Variants in TIPRL observed in about 807,000 individuals in gnomAD.
TIPRL encodes the protein TOR signaling pathway regulator.
A neutral mutation model predicts 32.3 loss-of-function variants in TIPRL; 10 were observed. The ratio of observed to expected loss-of-function variants is 0.31; its 90% CI spans 0.19 to 0.52. The LOEUF (loss-of-function observed/expected upper bound fraction) is 0.52, where lower values mean the gene tolerates loss of function less well. Ranked by LOEUF, TIPRL falls within the 20% of genes least tolerant of loss-of-function variation. TIPRL has a pLI of 0.96. For synonymous variants in TIPRL, 100 were observed against 114.0 expected (o/e 0.88, Z 0.78); for missense variants, 250 against 328.1 (o/e 0.76, Z 1.84).
intron 4 of TIPRL, chr1:168,192,335 C>G: frequency 1.0e-6 from 1 of 988,388 alleles, no homozygotes; most frequent in Non-Finnish European, 1.3e-6. Context: ...GCCTGGGCGA[C>G]AGAGCAAGAC....
chr1:168,182,549 C>T (rs1699981057), intron 1 of TIPRL, among the ~76,000 whole-genome samples: 1 of 148,762 alleles, frequency 6.7e-6, no homozygotes, highest in Non-Finnish European at 1.5e-5. Flanking sequence ...TTGCTTGAAT[C>T]TGGGAGGCGG....
intron 4 of TIPRL, chr1:168,192,164 G>C: frequency 1.4e-6 from 2 of 1,461,574 alleles, no homozygotes; most frequent in Non-Finnish European, 1.8e-6. Context: ...TGATCCATGT[G>C]TTATGATTTC....
intron 5 of TIPRL, among the ~76,000 whole-genome samples, chr1:168,198,446 G>A (rs1245643485): frequency 6.6e-6 from 1 of 152,072 alleles, no homozygotes. Context: ...TTTTAAGTAA[G>A]CTATTTGGTA....
chr1:168,186,755 A>G (rs1432780492), intron 3 of TIPRL, among the ~76,000 whole-genome samples: 1 of 151,882 alleles, frequency 6.6e-6, no homozygotes, highest in Admixed American at 6.6e-5. Context: ...AATTGCTTGA[A>G]CCCAGGAGGC....
At position 168,180,805 on chromosome 1, in the gene TIPRL, C is replaced by CTT. The variant is rs59607373; in HGVS notation, c.104+1633_104+1634dup. On this transcript the variant is annotated intron_variant, in intron 1 of 6. Transcript: ENST00000367833. ...TTTTTCCTCTCTATATCTTTCTTTT[C>CTT]TTTTTTTTTTATAACTTTTTTTTTT... is the stretch of plus-strand genomic sequence containing the variant. Among the ~76,000 whole-genome samples, 527 of 132,188 alleles carry CTT rather than the reference C, an allele frequency of 4.0e-3. 1 individual carries two copies. Among genetic ancestry groups the CTT allele is most frequent in the Non-Finnish European group, 4.9e-3 (315 of 64,416 alleles). 86.7% of individuals were successfully genotyped at this position (132,188 alleles called of 152,430 possible). A position where few individuals can be genotyped will look rare whatever the true frequency, so the allele number is the denominator to read the frequency against.
intron 4 of TIPRL, among the ~76,000 whole-genome samples, chr1:168,194,406 A>G (rs533730966): frequency 2.0e-5 from 3 of 152,300 alleles, no homozygotes; most frequent in African/African-American, 7.2e-5. Flanking sequence ...AAAATATGCT[A>G]TTGTATTGGC....
intron 4 of TIPRL, chr1:168,192,183 A>G: frequency 1.3e-6 from 2 of 1,485,890 alleles, no homozygotes; most frequent in Admixed American, 2.3e-5. Flanking sequence ...TCAGTGCATC[A>G]TTCAACTACC....
At chr1:168,195,927 C>T (rs12083236) in intron 4 of TIPRL, among the ~76,000 whole-genome samples, 1 of 152,108 alleles carries the variant, frequency 6.6e-6, no homozygotes, top group South Asian at 2.1e-4. Flanking sequence ...ACCGCTCTCT[C>T]CCCGCCACCA....
chr1:168,193,885 T>G (rs1229410323), intron 4 of TIPRL, among the ~76,000 whole-genome samples: 1 of 152,196 alleles, frequency 6.6e-6, no homozygotes, highest in Non-Finnish European at 1.5e-5. Flanking sequence ...TTTTAATACT[T>G]AAATGCATAA....
Position 168,184,099 on chromosome 1 carries a change from T to A in TIPRL, c.284+18T>A. 6.3e-7 allele frequency: 1 copy of A among 1,589,386 alleles called. No homozygotes were observed. The highest frequency in any genetic ancestry group is 1.7e-5 in the Admixed American group (1 of 58,256). ...GAAAGCAGGTGAGAATCCGGTCAAT[T>A]AGGTTAAACAAAAAAGGTAATTAGG... On this transcript the variant is annotated intron_variant, in intron 2 of 6. Coordinates refer to ENST00000367833, the MANE Select transcript of TIPRL (RefSeq NM_152902.5).
At chr1:168,195,080 G>A (rs1700137762) in intron 4 of TIPRL, among the ~76,000 whole-genome samples, 3 of 152,174 alleles carry the variant, frequency 2.0e-5, no homozygotes, top group African/African-American at 4.8e-5. Flanking sequence ...AAGAGGGTGT[G>A]TAATGGTCCC....
rs1700197969 is a variant in TIPRL, at chr1:168,200,457, C to G, written c.*411C>G. ...ATTCCTGATCATGCATGTTGATGTACTGGCTCTTCACTTTGGGCTTTCTGA... is the reference window on the plus strand; with the variant it reads ...ATTCCTGATCATGCATGTTGATGTAGTGGCTCTTCACTTTGGGCTTTCTGA... On this transcript the variant is annotated 3_prime_UTR_variant, in exon 7 of 7. Transcript: ENST00000367833. 1 of 156,324 alleles carries G rather than the reference C, an allele frequency of 6.4e-6. No homozygotes were observed. The highest frequency in any genetic ancestry group is 6.3e-5 in the Admixed American group (1 of 15,756). The allele number at this position is 156,324 out of a possible 1,614,324, so 9.7% of individuals were successfully genotyped here. A position where few individuals can be genotyped will look rare whatever the true frequency, so the allele number is the denominator to read the frequency against.
intron 4 of TIPRL, among the ~76,000 whole-genome samples, chr1:168,195,827 A>G (rs1399840454): frequency 2.0e-5 from 3 of 152,130 alleles, no homozygotes; most frequent in Non-Finnish European, 2.9e-5. Flanking sequence ...TTCCACCTCA[A>G]CCTTCCAAAC....
intron 4 of TIPRL, 101 bp from the exon 5 acceptor site, chr1:168,196,446 A>G: frequency 1.4e-6 from 1 of 714,780 alleles, no homozygotes; most frequent in Non-Finnish European, 2.1e-6. Flanking sequence ...GCCTTATTCC[A>G]GGGTTTTTTT....
intron 4 of TIPRL, among the ~76,000 whole-genome samples, chr1:168,193,947 T>C (rs968833426): frequency 2.6e-5 from 4 of 152,206 alleles, no homozygotes; most frequent in East Asian, 1.9e-4. Context: ...TATTTGCATA[T>C]TGAGTCACCG....
intron 3 of TIPRL, among the ~76,000 whole-genome samples, chr1:168,186,098 A>AT (rs771637566): frequency 1.3e-5 from 2 of 150,368 alleles, no homozygotes; most frequent in Non-Finnish European, 3.0e-5. Flanking sequence ...AAAAAAAAAA[A>AT]AAAAAGAGAG....
intron 4 of TIPRL, among the ~76,000 whole-genome samples, chr1:168,191,860 A>C (rs1304783036): frequency 1.0e-4 from 15 of 142,932 alleles, no homozygotes; most frequent in African/African-American, 1.9e-4. Context: ...CGACAGAGCA[A>C]AAAAAAAAAA....
intron 1 of TIPRL, among the ~76,000 whole-genome samples, chr1:168,182,059 G>A (rs911886854): frequency 2.7e-5 from 4 of 145,770 alleles, no homozygotes; most frequent in African/African-American, 7.9e-5. Flanking sequence ...GTAAGACTCC[G>A]TCCCCCACCC....
chr1:168,178,990 T>C lies in TIPRL; in HGVS notation c.-88T>C. Reference sequence around the variant, plus strand: ...GTAACGGCTCGGAAGCCTAGGAGGCTGGGCCGGAGGGAGGCGGAGGAACCG... The same window carrying C: ...GTAACGGCTCGGAAGCCTAGGAGGCCGGGCCGGAGGGAGGCGGAGGAACCG... On this transcript the variant is annotated 5_prime_UTR_variant, in exon 1 of 7. Coordinates refer to ENST00000367833, the MANE Select transcript of TIPRL (RefSeq NM_152902.5). The C allele has an allele frequency of 8.1e-7, 1 of 1,231,228 alleles. No individual in the cohort carries two copies. Among genetic ancestry groups the C allele is most frequent in the East Asian group, 2.6e-5 (1 of 38,042 alleles). 76.3% of individuals were successfully genotyped at this position (1,231,228 alleles called of 1,614,324 possible).
Sources: gnomAD v4.1 joint callset for allele counts (sites outside exome capture counted in the v4.1 genomes callset) on GRCh38, gnomAD v4.1.1 for gene constraint, MANE v1.5 for transcripts, NCBI Gene and HGNC (gene_info 2026-07-23, HGNC 2026-07-21) for gene names.